Variants in OTX2 observed in about 807,000 individuals in gnomAD.
OTX2 encodes the protein orthodenticle homeobox 2.
A neutral mutation model predicts 29.0 loss-of-function variants in OTX2; 4 were observed. That is an observed-to-expected ratio of 0.14 (90% CI 0.07 to 0.32). The LOEUF is 0.32. Ranked by LOEUF, OTX2 falls within the 10% of genes least tolerant of loss-of-function variation. The pLI is 1.00. For missense variants in OTX2, 298 were observed against 365.9 expected (o/e 0.81, Z 1.51); for synonymous variants, 134 against 141.0 (o/e 0.95, Z 0.35).
rs537889967 is a variant in OTX2 at position 56,801,390 on chromosome 14, G to T, written c.*345C>A. On this transcript the variant is annotated 3_prime_UTR_variant, in exon 5 of 5. Coordinates refer to ENST00000672264, the MANE Select transcript of OTX2 (RefSeq NM_021728.4). This position sits in a 1 kb window ranked among gnomAD's most constrained non-coding sequence, Gnocchi z 4.2. Reference sequence around the variant, plus strand: ...CAATGGAACACCTCTGCTTAAGAAGGCTATGACCTTCCCTCCCTTCCTTCA... The same window carrying T: ...CAATGGAACACCTCTGCTTAAGAAGTCTATGACCTTCCCTCCCTTCCTTCA... 2.2e-5 allele frequency: 8 copies of T among 365,250 alleles called. No homozygotes were observed. Among genetic ancestry groups the T allele is most frequent in the Admixed American group, 1.2e-4 (3 of 25,344 alleles). 22.6% of individuals were successfully genotyped at this position (365,250 alleles called of 1,614,324 possible). A position where few individuals can be genotyped will look rare whatever the true frequency, so the allele number is the denominator to read the frequency against.
rs757602259 is a variant in OTX2, at chr14:56,804,299, A to G, written c.162T>C (p.Thr54=). ...CTTCCAGCACATCTAGCTGCGCCCG[A>G]GTGAACGTCGTCCTCTCCCGGCGCT... ...RKQRRERTTF[T]RAQLDVLEAL... is the part of the protein sequence containing the mutation. The change falls in exon 4 of 5, where the codon ACT becomes ACC. Residue 54 remains threonine, a synonymous_variant. Coordinates refer to ENST00000672264, the MANE Select transcript of OTX2 (RefSeq NM_021728.4). This position sits in a 1 kb window ranked among gnomAD's most constrained non-coding sequence, Gnocchi z 4.1. The G allele has an allele frequency of 3.1e-6, 5 of 1,614,094 alleles. No homozygotes were observed. In the Admixed American group the frequency reaches 8.3e-5, roughly 27 times the overall value.
At position 56,804,914 on chromosome 14, in the gene OTX2, G is replaced by A. The variant is rs982525819; in HGVS notation, c.97+446C>T. On this transcript the variant is annotated intron_variant, in intron 3 of 4. Transcript: ENST00000672264. This position sits in a 1 kb window ranked among gnomAD's most constrained non-coding sequence, Gnocchi z 4.1. ...ATTAAAGCAGGCTCTGGAGGTCATAGGGGAAGGCCTGGGCATGGAGGGAAC... is the reference window on the plus strand; with the variant it reads ...ATTAAAGCAGGCTCTGGAGGTCATAAGGGAAGGCCTGGGCATGGAGGGAAC... 1.3e-5 allele frequency among the ~76,000 whole-genome samples: 2 copies of A among 152,184 alleles called. No homozygotes were observed. The highest frequency in any genetic ancestry group is 4.8e-5 in the African/African-American group (2 of 41,436).
intron 2 of OTX2, among the ~76,000 whole-genome samples, chr14:56,809,301 A>G (rs1892197058): frequency 6.6e-6 from 1 of 152,296 alleles, no homozygotes; most frequent in Middle Eastern, 3.4e-3. Context: ...CATGTTGAAA[A>G]AACACTCTTC....
Position 56,801,610 on chromosome 14 carries a change from G to T in OTX2, c.*125C>A. The T allele has an allele frequency of 8.7e-7, 1 of 1,153,166 alleles. No homozygotes were observed. The highest frequency in any genetic ancestry group is 1.3e-6 in the Non-Finnish European group (1 of 774,082). 71.4% of individuals were successfully genotyped at this position (1,153,166 alleles called of 1,614,324 possible). ...CTTCGTTTTTCCTTCTATGCCTCTC[G>T]GAACTTTGATCAGATGAGTCTGAGC... On this transcript the variant is annotated 3_prime_UTR_variant, in exon 5 of 5. Transcript: ENST00000672264. This position sits in a 1 kb window ranked among gnomAD's most constrained non-coding sequence, Gnocchi z 4.2.
At chr14:56,808,671 G>A (rs947300079) in intron 2 of OTX2, among the ~76,000 whole-genome samples, 3 of 152,140 alleles carry the variant, frequency 2.0e-5, no homozygotes, top group African/African-American at 7.2e-5. Flanking sequence ...AAAGTCCCGA[G>A]CTGAGCAGGA....
intron 2 of OTX2, among the ~76,000 whole-genome samples, chr14:56,806,491 G>A (rs2139539886): frequency 6.6e-6 from 1 of 152,274 alleles, no homozygotes; most frequent in African/African-American, 2.4e-5. Context: ...AGATAATGAC[G>A]GGACCCCACA....
Position 56,802,137 on chromosome 14 carries a change from G to A in OTX2, c.492C>T (p.Ser164=). 6.2e-7 allele frequency: 1 copy of A among 1,614,152 alleles called. No individual in the cohort carries two copies. The highest frequency in any genetic ancestry group is 1.3e-5 in the African/African-American group (1 of 75,036). Residue 164 remains serine, a synonymous_variant, in exon 5 of 5, where the codon TCC becomes TCT. Transcript: ENST00000672264. The surrounding 1 kb of genome is among the most constrained non-coding windows in gnomAD (Gnocchi z 4.4). ...ACAAGGGATCTGACAGTGGGGAGATGGAAGCTGGGCTCCAGATAGACACAG... is the reference window on the plus strand; with the variant it reads ...ACAAGGGATCTGACAGTGGGGAGATAGAAGCTGGGCTCCAGATAGACACAG... ...SAPVSIWSPA[S]ISPLSDPLST...
chr14:56,804,478 T>A lies in OTX2; in HGVS notation c.98-115A>T. 1 of 1,004,404 alleles carries A rather than the reference T, an allele frequency of 1.0e-6. No homozygotes were observed. Among genetic ancestry groups the A allele is most frequent in the Non-Finnish European group, 1.4e-6 (1 of 697,546 alleles). The allele number at this position is 1,004,404 out of a possible 1,614,324, so 62.2% of individuals were successfully genotyped here. ...CCTCACAGCCCTTCAGCCGGGAGCC[T>A]ACCAATGCTCTCCCCACCGTCTCCC... is the stretch of plus-strand genomic sequence containing the variant. On this transcript the variant is annotated intron_variant, in intron 3 of 4. Coordinates refer to ENST00000672264, the MANE Select transcript of OTX2 (RefSeq NM_021728.4). The surrounding 1 kb of genome is among the most constrained non-coding windows in gnomAD (Gnocchi z 4.1).
At chr14:56,808,879 C>T (rs915943156) in intron 2 of OTX2, among the ~76,000 whole-genome samples, 1 of 152,238 alleles carries the variant, frequency 6.6e-6, no homozygotes, top group South Asian at 2.1e-4. Flanking sequence ...AAAAATATGT[C>T]CCGAAATCGG....
rs1458001668 is a variant in OTX2 at position 56,802,859 on chromosome 14, C to T, written c.274-504G>A. ...TAATATAGAGGTTGGTTGGTTCCAT[C>T]ACCCTTCTGTCTCTCTTAGAAAGAC... On this transcript the variant is annotated intron_variant, in intron 4 of 4. Transcript: ENST00000672264. The surrounding 1 kb of genome is among the most constrained non-coding windows in gnomAD (Gnocchi z 4.4). 5.3e-5 allele frequency among the ~76,000 whole-genome samples: 8 copies of T among 152,228 alleles called. No homozygotes were observed. Among genetic ancestry groups the T allele is most frequent in the Admixed American group, 3.9e-4 (6 of 15,280 alleles).
intron 3 of OTX2, among the ~76,000 whole-genome samples, chr14:56,805,068 C>T (rs709949): frequency 0.072 from 10,964 of 152,248 alleles, 1,226 homozygotes; most frequent in African/African-American, 0.24. Flanking sequence ...GGACAGTAAC[C>T]TTCCTCATCC....
intron 3 of OTX2, 41 bp downstream of exon 3, chr14:56,805,319 A>G (rs550880190): frequency 1.4e-5 from 19 of 1,321,818 alleles, no homozygotes; most frequent in African/African-American, 4.3e-5. Context: ...GAGGGTGGGC[A>G]TGGGGAAGAG....
At position 56,802,890 on chromosome 14, in the gene OTX2, G is replaced by A. The variant is rs1237754577; in HGVS notation, c.274-535C>T. 6.6e-6 allele frequency among the ~76,000 whole-genome samples: 1 copy of A among 152,194 alleles called. No homozygotes were observed. The highest frequency in any genetic ancestry group is 2.4e-5 in the African/African-American group (1 of 41,442). ...TCTGTCTCTCTTAGAAAGACTCACA[G>A]AACAAAGCTCCAAGGGGAAGACATG... is the stretch of plus-strand genomic sequence containing the variant. On this transcript the variant is annotated intron_variant, in intron 4 of 4. Transcript: ENST00000672264. The surrounding 1 kb of genome is among the most constrained non-coding windows in gnomAD (Gnocchi z 4.4).
At position 56,802,051 on chromosome 14, in the gene OTX2, T is replaced by C. The variant is rs1286159089; in HGVS notation, c.578A>G (p.Tyr193Cys). ...YPMTYTQASG[Y>C]SQGYAGSTSY... is the part of the protein sequence containing the mutation. ...AGTTGAGCCAGCATATCCTTGACTA[T>C]AACCTGAAGCCTGAGTATAGGTCAT... Residue 193 changes from tyrosine to cysteine, a missense_variant, in exon 5 of 5, where the codon TAT (tyrosine) becomes TGT (cysteine). Tyr to Cys is a radical substitution (Grantham distance 194). Transcript: ENST00000672264. This position sits in a 1 kb window ranked among gnomAD's most constrained non-coding sequence, Gnocchi z 4.4. 3 of 1,614,150 alleles carry C rather than the reference T, an allele frequency of 1.9e-6. No homozygotes were observed. The South Asian group carries it at 3.3e-5, about 18-fold the overall frequency.
chr14:56,808,693 C>A (rs1043737352), intron 2 of OTX2, among the ~76,000 whole-genome samples: 50 of 152,132 alleles, frequency 3.3e-4, no homozygotes, highest in Admixed American at 3.2e-3. Flanking sequence ...AAATCCTGAC[C>A]CCGAAGCTCT....
At position 56,805,448 on chromosome 14, in the gene OTX2, A is replaced by G. The variant is rs575736431; in HGVS notation, c.9T>C (p.Ser3=). Residue 3 remains serine, a synonymous_variant, in exon 3 of 5, where the codon TCT becomes TCC. Transcript: ENST00000672264. ...CTGCGTAAGGCGGTTGCTTAAGATA[A>G]GACATCATGCTAAGGTTGTTTGGAG... The part of the protein sequence containing the change: MM[S]YLKQPPYAVN... 1.2e-6 allele frequency: 2 copies of G among 1,612,808 alleles called. No homozygotes were observed. The highest frequency in any genetic ancestry group is 1.3e-5 in the African/African-American group (1 of 75,020).
rs112039864 is a variant in OTX2 at position 56,804,406 on chromosome 14, C to G, written c.98-43G>C. On this transcript the variant is annotated intron_variant, in intron 3 of 4. Transcript: ENST00000672264. This position sits in a 1 kb window ranked among gnomAD's most constrained non-coding sequence, Gnocchi z 4.1. ...AGTTTCTCAGTCATAGGCGTTTCCG[C>G]GGGTTCTCCGACGCCCCTGCCCTCC... 1 of 1,575,170 alleles carries G rather than the reference C, an allele frequency of 6.3e-7. No individual in the cohort carries two copies. The highest frequency in any genetic ancestry group is 8.6e-7 in the Non-Finnish European group (1 of 1,156,284).
intron 2 of OTX2, 43 bp from the exon 3 acceptor site, chr14:56,805,618 G>C (rs959615923): frequency 4.6e-6 from 3 of 653,758 alleles, no homozygotes; most frequent in Admixed American, 4.2e-5. Flanking sequence ...CTGGTTTACT[G>C]CTTCGGAGGC....
At position 56,801,968 on chromosome 14, in the gene OTX2, G is replaced by A. The variant is rs548455339; in HGVS notation, c.661C>T (p.Pro221Ser). The A allele has an allele frequency of 1.2e-6, 2 of 1,614,170 alleles. No individual in the cohort carries two copies. Among genetic ancestry groups the A allele is most frequent in the Non-Finnish European group, 8.5e-7 (1 of 1,180,032 alleles). The change falls in exon 5 of 5, where the codon CCC becomes TCC. Residue 221 changes from proline to serine, a missense_variant. By Grantham distance (74) the Pro-to-Ser change is moderately conservative. Transcript: ENST00000672264. The surrounding 1 kb of genome is among the most constrained non-coding windows in gnomAD (Gnocchi z 4.2). ...SYLTPMHHQL[P>S]GPGATLSPMG... ...GGACTGAGTGTGGCCCCTGGTCCGG[G>A]AAGCTGGTGATGCATAGGGGTCAAA...
Sources: gnomAD v4.1 joint callset for allele counts (sites outside exome capture counted in the v4.1 genomes callset) on GRCh38, gnomAD v4.1.1 for gene constraint, Gnocchi (gnomAD v3.1) non-coding constraint, MANE v1.5 for transcripts, NCBI Gene and HGNC (gene_info 2026-07-23, HGNC 2026-07-21) for gene names.